Variants in TRIM33 observed in about 807,000 individuals in gnomAD.
TRIM33 encodes tripartite motif containing 33, also known as E3 ubiquitin-protein ligase TRIM33.
Under a neutral mutation model 125.4 loss-of-function variants are expected in TRIM33, and 20 were observed. The ratio of observed to expected loss-of-function variants is 0.16; its 90% CI spans 0.11 to 0.23. The LOEUF is 0.23. Ranked by LOEUF, TRIM33 falls within the 10% of genes least tolerant of loss-of-function variation. The pLI, the probability that TRIM33 is intolerant of heterozygous loss-of-function variation, is 1.00. For missense variants in TRIM33, 920 were observed against 1,411.4 expected (o/e 0.65, Z 5.58); for synonymous variants, 564 against 513.9 (o/e 1.10, Z -1.32).
chr1:114,410,093 A>G (rs1230187690), intron 12 of TRIM33, 91 bp downstream of exon 12: 5 of 1,457,842 alleles, frequency 3.4e-6, no homozygotes, highest in Non-Finnish European at 4.8e-6. Context: ...CCTCCTACTT[A>G]TTCTGTTTTT....
intron 4 of TRIM33, among the ~76,000 whole-genome samples, chr1:114,459,005 G>T (rs992242182): frequency 6.6e-6 from 1 of 152,150 alleles, no homozygotes; most frequent in African/African-American, 2.4e-5. Flanking sequence ...TAAAATGAAA[G>T]CATGAACAAA....
chr1:114,450,704 T>C (rs908084151), intron 4 of TRIM33, among the ~76,000 whole-genome samples: 2 of 152,174 alleles, frequency 1.3e-5, no homozygotes, highest in Non-Finnish European at 2.9e-5. Flanking sequence ...AACGTTCCTA[T>C]TTTGATTCCT....
intron 10 of TRIM33, among the ~76,000 whole-genome samples, chr1:114,423,063 G>A (rs774187450): frequency 2.6e-5 from 4 of 152,020 alleles, no homozygotes; most frequent in African/African-American, 4.8e-5. Context: ...ACCAGAAGCA[G>A]GAGGTAAAAA....
intron 10 of TRIM33, among the ~76,000 whole-genome samples, chr1:114,423,546 G>C (rs903120428): frequency 2.6e-5 from 4 of 151,730 alleles, no homozygotes; most frequent in Non-Finnish European, 4.4e-5. Flanking sequence ...AAATGTGAGC[G>C]AGTATATATT....
chr1:114,502,722 G>C (rs940778993), intron 1 of TRIM33, among the ~76,000 whole-genome samples: 1 of 152,060 alleles, frequency 6.6e-6, no homozygotes, highest in Non-Finnish European at 1.5e-5. Flanking sequence ...CCCCAGGCTG[G>C]TCTTGAACTC....
chr1:114,483,397 A>G (rs541974068), intron 1 of TRIM33, among the ~76,000 whole-genome samples: 44 of 151,656 alleles, frequency 2.9e-4, no homozygotes, highest in South Asian at 1.0e-3. Flanking sequence ...TACAAAAAGG[A>G]AAGTCCAGAC....
At chr1:114,460,575 T>C (rs1454132227) in intron 4 of TRIM33, among the ~76,000 whole-genome samples, 2 of 12,578 alleles carry the variant, frequency 1.6e-4, no homozygotes, top group African/African-American at 6.5e-4. Context: ...CCCGCCACCT[T>C]TTTTTTTTTT....
At chr1:114,409,901 G>C (rs1222099100) in intron 12 of TRIM33, among the ~76,000 whole-genome samples, 2 of 152,038 alleles carry the variant, frequency 1.3e-5, no homozygotes, top group African/African-American at 4.8e-5. Flanking sequence ...GAGAAGAGAA[G>C]ACGGAGCCCT....
At chr1:114,398,105 C>T in intron 18 of TRIM33, 115 bp from the exon 19 acceptor site, 1 of 1,021,912 alleles carries the variant, frequency 9.8e-7, no homozygotes, top group Non-Finnish European at 1.4e-6. Context: ...GAACAAATTG[C>T]TATAACCAGA....
intron 1 of TRIM33, among the ~76,000 whole-genome samples, chr1:114,502,247 G>A (rs921988413): frequency 5.9e-5 from 9 of 152,166 alleles, no homozygotes; most frequent in Admixed American, 5.2e-4. Context: ...CTTATGATCT[G>A]ACATTCTTCC....
chr1:114,437,465 A>G (rs1648378146), intron 4 of TRIM33, among the ~76,000 whole-genome samples: 1 of 152,102 alleles, frequency 6.6e-6, no homozygotes, highest in Non-Finnish European at 1.5e-5. Context: ...CAGCCTCCCG[A>G]GTACATAGGA....
At chr1:114,445,458 C>T (rs1211921178) in intron 4 of TRIM33, among the ~76,000 whole-genome samples, 1 of 152,110 alleles carries the variant, frequency 6.6e-6, no homozygotes, top group Non-Finnish European at 1.5e-5. Flanking sequence ...CCAGGCTGGT[C>T]TTGAACCCCT....
chr1:114,510,855 C>G lies in TRIM33; in HGVS notation c.222G>C (p.Ser74=). The part of the protein sequence containing the change: ...DGGVAAASSG[S]AQAASSPAAS... ...CCGCAGGAGATGAAGCAGCCTGGGC[C>G]GAGCCCGAGGAGGCCGCGGCCACCC... Residue 74 remains serine, a synonymous_variant, in exon 1 of 20, where the codon TCG becomes TCC. Transcript: ENST00000358465. 1 of 1,481,128 alleles carries G rather than the reference C, an allele frequency of 6.8e-7. No individual in the cohort carries two copies. The highest frequency in any genetic ancestry group is 8.9e-7 in the Non-Finnish European group (1 of 1,122,850). 91.7% of individuals were successfully genotyped at this position (1,481,128 alleles called of 1,614,324 possible).
At position 114,510,807 on chromosome 1, in the gene TRIM33, G is replaced by A; in HGVS notation, c.270C>T (p.Ala90=). The change falls in exon 1 of 20, where the codon GCC becomes GCT. Residue 90 remains alanine (A), a synonymous_variant. Transcript: ENST00000358465. The part of the protein sequence containing the change: ...SPAASVGTGV[A]GGAVSTPAPA... ...GAGCCGGCGTCGATACTGCGCCCCC[G>A]GCAACTCCAGTGCCCACTGAGGCCG... is the stretch of plus-strand genomic sequence containing the variant. The A allele has an allele frequency of 2.0e-6, 3 of 1,519,510 alleles. No homozygotes were observed. Among genetic ancestry groups the A allele is most frequent in the South Asian group, 2.4e-5 (2 of 82,084 alleles). 94.1% of individuals were successfully genotyped at this position (1,519,510 alleles called of 1,614,324 possible).
rs576540067 is a variant in TRIM33, at chr1:114,410,134, C to T, written c.2194+50G>A. ...GAATTCTGACTAAGACAGATACTGA[C>T]ACTGTTTTTTTAAGGTGTTAAAAAA... On this transcript the variant is annotated intron_variant, in intron 12 of 19. Transcript: ENST00000358465. 4 of 1,605,108 alleles carry T rather than the reference C, an allele frequency of 2.5e-6. No homozygotes were observed. In the African/African-American group the frequency reaches 5.4e-5, roughly 21 times the overall value.
intron 10 of TRIM33, 91 bp downstream of exon 10, chr1:114,424,500 A>T: frequency 8.4e-7 from 1 of 1,188,238 alleles, no homozygotes; most frequent in Non-Finnish European, 1.2e-6. Flanking sequence ...TCTCAAACAC[A>T]TCAATGACCT....
intron 4 of TRIM33, among the ~76,000 whole-genome samples, chr1:114,444,472 A>G (rs535293744): frequency 6.6e-6 from 1 of 152,182 alleles, no homozygotes; most frequent in Non-Finnish European, 1.5e-5. Flanking sequence ...AGAAACCAGA[A>G]AGGTCACCCT....
intron 12 of TRIM33, 58 bp from the exon 13 acceptor site, chr1:114,408,798 C>A: frequency 8.6e-7 from 1 of 1,169,190 alleles, no homozygotes; most frequent in Admixed American, 2.2e-5. Context: ...TGGAATTCTA[C>A]CTACCGGTCA....
At chr1:114,432,765 G>A (rs1271975022) in intron 5 of TRIM33, among the ~76,000 whole-genome samples, 3 of 151,870 alleles carry the variant, frequency 2.0e-5, no homozygotes, top group Non-Finnish European at 4.4e-5. Context: ...CAGCCTGGGC[G>A]ACAGACCGAG....
Sources: allele counts gnomAD v4.1 joint callset (sites outside exome capture counted in the v4.1 genomes callset), GRCh38; gene constraint gnomAD v4.1.1; transcripts MANE v1.5; gene names NCBI Gene and HGNC (gene_info 2026-07-23, HGNC 2026-07-21).